The following RGS7 variants were observed in gnomAD, a reference collection of about 807,000 sequenced individuals.
RGS7 encodes regulator of G protein signaling 7.
Under a neutral mutation model 81.1 loss-of-function variants are expected in RGS7, and 27 were observed. That is an observed-to-expected ratio of 0.33 (90% CI 0.25 to 0.46). The LOEUF is 0.46. RGS7 is among the 20% of genes least tolerant of loss of function. RGS7 has a pLI of 1.00. For missense variants in RGS7, 396 were observed against 607.4 expected (o/e 0.65, Z 3.66); for synonymous variants, 208 against 207.7 (o/e 1.00, Z -0.01).
intron 4 of RGS7, among the ~76,000 whole-genome samples, chr1:240,973,467 G>A (rs958012180): frequency 2.0e-5 from 3 of 151,570 alleles, no homozygotes; most frequent in Admixed American, 6.6e-5. Context: ...CCGAGATCAC[G>A]CCACTGCACT....
chr1:240,950,707 C>G (rs1241858809), intron 4 of RGS7, among the ~76,000 whole-genome samples: 1 of 152,132 alleles, frequency 6.6e-6, no homozygotes, highest in Non-Finnish European at 1.5e-5. Flanking sequence ...GCTGAAAGAG[C>G]TGTTAAGACA....
intron 2 of RGS7, among the ~76,000 whole-genome samples, chr1:241,225,970 A>G (rs553373312): frequency 6.6e-6 from 1 of 152,264 alleles, no homozygotes; most frequent in Admixed American, 6.5e-5. Context: ...GGGAGCTGAC[A>G]TTTTCAACAC....
intron 3 of RGS7, among the ~76,000 whole-genome samples, chr1:241,016,772 T>C (rs1177028750): frequency 2.0e-5 from 3 of 152,202 alleles, no homozygotes; most frequent in African/African-American, 7.2e-5. Context: ...AATTTTTTAG[T>C]GCAATCTGCC....
intron 2 of RGS7, among the ~76,000 whole-genome samples, chr1:241,342,593 C>G (rs1210410442): frequency 5.3e-5 from 8 of 152,166 alleles, no homozygotes; most frequent in Non-Finnish European, 1.0e-4. Context: ...TCCCCATGAT[C>G]AAAAAGCTAG....
In RGS7 at chr1:241,163,523, A is replaced by G. The variant is rs1366945698; in HGVS notation, c.79-64761T>C. ...TTCCAGATCTAGGAAAGATTAACCG[A>G]CTGTCGACACCTTTGAAGGTCTGAA... On this transcript the variant is annotated intron_variant, in intron 2 of 18. Transcript: ENST00000440928. This position sits in a 1 kb window ranked among gnomAD's most constrained non-coding sequence, Gnocchi z 4.6. 6.6e-6 allele frequency among the ~76,000 whole-genome samples: 1 copy of G among 151,950 alleles called. No individual in the cohort carries two copies. Among genetic ancestry groups the G allele is most frequent in the Non-Finnish European group, 1.5e-5 (1 of 67,964 alleles).
intron 2 of RGS7, among the ~76,000 whole-genome samples, chr1:241,251,720 G>A (rs2076837309): frequency 6.6e-6 from 1 of 151,940 alleles, no homozygotes; most frequent in Non-Finnish European, 1.5e-5. Flanking sequence ...ACCTTCACCA[G>A]GCTGGTCTTG....
chr1:241,098,851 T>C (rs1042950943), intron 2 of RGS7, 89 bp from the exon 3 acceptor site: 4 of 905,398 alleles, frequency 4.4e-6, no homozygotes, highest in Admixed American at 2.0e-5. Flanking sequence ...TATTCCTGTT[T>C]TGCCCAACTA....
chr1:240,884,077 C>CAA (rs4047365), intron 6 of RGS7, among the ~76,000 whole-genome samples: 12 of 57,372 alleles, frequency 2.1e-4, no homozygotes, highest in South Asian at 9.5e-4. Context: ...AACTCCATCT[C>CAA]AAAAAAAAAA....
intron 3 of RGS7, among the ~76,000 whole-genome samples, chr1:241,088,055 T>C (rs191104836): frequency 6.3e-4 from 88 of 138,852 alleles, no homozygotes; most frequent in Admixed American, 4.1e-3. Flanking sequence ...TATATATATA[T>C]ACACACACAC....
Position 240,775,995 on chromosome 1 carries a change from T to C in RGS7, c.*225A>G, listed in dbSNP as rs545698121. On this transcript the variant is annotated 3_prime_UTR_variant, in exon 19 of 19. Coordinates refer to ENST00000440928, the MANE Select transcript of RGS7 (RefSeq NM_001364886.1). ...CAGACAACAGTTTGGAATGGAGGCA[T>C]TGAGACGGAAGAGTCCATTGGAGAT... The C allele has an allele frequency of 9.1e-6, 6 of 662,770 alleles. No individual in the cohort carries two copies. Among genetic ancestry groups the C allele is most frequent in the East Asian group, 5.6e-5 (2 of 35,902 alleles). 41.1% of individuals were successfully genotyped at this position (662,770 alleles called of 1,614,324 possible).
At chr1:241,229,072 AAAG>A (rs2075494436) in intron 2 of RGS7, among the ~76,000 whole-genome samples, 1 of 151,998 alleles carries the variant, frequency 6.6e-6, no homozygotes, top group South Asian at 2.1e-4. Context: ...AAAAAAAAAA[AAAG>A]AAGGAAAAAC....
chr1:241,303,611 T>G (rs1439431891), intron 2 of RGS7, among the ~76,000 whole-genome samples: 2 of 152,202 alleles, frequency 1.3e-5, no homozygotes. Flanking sequence ...TTTTTCAGTT[T>G]GTATGTCTGA....
chr1:241,084,663 G>A (rs1364983792), intron 3 of RGS7, among the ~76,000 whole-genome samples: 1 of 152,160 alleles, frequency 6.6e-6, no homozygotes, highest in Non-Finnish European at 1.5e-5. Context: ...TAATCCTTTG[G>A]TAAGAGAGCA....
intron 2 of RGS7, among the ~76,000 whole-genome samples, chr1:241,264,703 G>C (rs2077496297): frequency 6.6e-6 from 1 of 152,180 alleles, no homozygotes. Flanking sequence ...ATGCTAAATA[G>C]ATCAGTGCAG....
At chr1:241,230,796 G>A (rs562982346) in intron 2 of RGS7, among the ~76,000 whole-genome samples, 16 of 152,206 alleles carry the variant, frequency 1.1e-4, no homozygotes, top group Non-Finnish European at 1.9e-4. Flanking sequence ...TCGGGAGGAG[G>A]CAGGAAGCTT....
Position 240,816,420 on chromosome 1 carries a change from A to T in RGS7, c.685-5T>A. The T allele has an allele frequency of 6.5e-7, 1 of 1,550,034 alleles. No homozygotes were observed. Among genetic ancestry groups the T allele is most frequent in the African/African-American group, 1.4e-5 (1 of 73,732 alleles). ...ATTTTGTAAACCATAGACAGACTATATTAAAATAAAAAATAAACATTTTAG... is the reference window on the plus strand; with the variant it reads ...ATTTTGTAAACCATAGACAGACTATTTTAAAATAAAAAATAAACATTTTAG... On this transcript the variant is annotated splice_region_variant and splice_polypyrimidine_tract_variant and intron_variant, in intron 10 of 18. Transcript: ENST00000440928.
intron 2 of RGS7, among the ~76,000 whole-genome samples, chr1:241,298,968 ATGTC>A (rs1302763777): frequency 9.9e-5 from 15 of 152,212 alleles, no homozygotes; most frequent in Admixed American, 9.8e-4. Context: ...TGCGCGTGCT[ATGTC>A]TGGAAACACA....
intron 2 of RGS7, among the ~76,000 whole-genome samples, chr1:241,303,193 TGGGA>T (rs2079878523): frequency 6.7e-6 from 1 of 148,964 alleles, no homozygotes; most frequent in South Asian, 2.1e-4. Context: ...AGGAGCCTGG[TGGGA>T]GGTGATTGGT....
chr1:241,138,934 A>G (rs961845868), intron 2 of RGS7, among the ~76,000 whole-genome samples: 2 of 152,184 alleles, frequency 1.3e-5, no homozygotes, highest in African/African-American at 4.8e-5. Context: ...GATACAAAAC[A>G]ATCAGTAACA....
Sources: allele counts gnomAD v4.1 joint callset (sites outside exome capture counted in the v4.1 genomes callset), GRCh38; gene constraint gnomAD v4.1.1; non-coding constraint Gnocchi (gnomAD v3.1); transcripts MANE v1.5; gene names NCBI Gene and HGNC (gene_info 2026-07-23, HGNC 2026-07-21).